Variants in KIAA0319 observed in about 807,000 individuals in gnomAD.
The protein encoded by KIAA0319 is KIAA0319.
KIAA0319 carries 83 observed loss-of-function variants against 108.4 expected under a neutral mutation model. The ratio of observed to expected loss-of-function variants is 0.77; its 90% CI spans 0.64 to 0.92. KIAA0319 has a LOEUF of 0.92. KIAA0319 is among the 40% of genes least tolerant of loss of function. The probability of loss-of-function intolerance (pLI) is 0.00; values close to 1 mark genes in which losing one functional copy is unlikely to be tolerated. For synonymous variants in KIAA0319, 484 were observed against 510.4 expected, an observed-to-expected ratio of 0.95 and a Z score of 0.70; for missense variants, 1,195 against 1,322.4, an observed-to-expected ratio of 0.90 and a Z score of 1.49.
chr6:24,552,923 A>G (rs1761712445), intron 19 of KIAA0319, among the ~76,000 whole-genome samples: 1 of 152,124 alleles, frequency 6.6e-6, no homozygotes, highest in Admixed American at 6.5e-5. Context: ...ACGTTTTTTA[A>G]AAATCACACC....
At position 24,579,412 on chromosome 6, in the gene KIAA0319, G is replaced by GATATATATATATATATATAT. The variant is rs3840133; in HGVS notation, c.1372+426_1372+445dup. On this transcript the variant is annotated intron_variant, in intron 8 of 20. Transcript: ENST00000378214. Reference sequence around the variant, plus strand: ...GGTCACGGGAGCTCCTCTATATAAAGATATATATATATATATATATCTTAT... The same window carrying GATATATATATATATATATAT: ...GGTCACGGGAGCTCCTCTATATAAAGATATATATATATATATATATATATATATATATATATATATCTTAT... Among the ~76,000 whole-genome samples, 205 of 127,196 alleles carry GATATATATATATATATATAT rather than the reference G, an allele frequency of 1.6e-3. 4 individuals are homozygous for GATATATATATATATATATAT. The highest frequency in any genetic ancestry group is 5.3e-3 in the African/African-American group (165 of 31,412). The allele number at this position is 127,196 out of a possible 152,430, so 83.4% of individuals were successfully genotyped here.
intron 11 of KIAA0319, among the ~76,000 whole-genome samples, chr6:24,570,647 G>A (rs1764594522): frequency 6.7e-6 from 1 of 149,466 alleles, no homozygotes; most frequent in African/African-American, 2.5e-5. Context: ...AATGAGAGAG[G>A]GAAGAAGGGT....
intron 10 of KIAA0319, among the ~76,000 whole-genome samples, chr6:24,575,478 C>G (rs1254343880): frequency 1.3e-5 from 2 of 152,124 alleles, no homozygotes; most frequent in African/African-American, 4.8e-5. Flanking sequence ...ATAGCACTTG[C>G]TACAACCCTT....
At chr6:24,627,261 C>G (rs901075955) in intron 1 of KIAA0319, among the ~76,000 whole-genome samples, 1 of 152,134 alleles carries the variant, frequency 6.6e-6, no homozygotes. Context: ...CCCAAGACAT[C>G]CTTATGTGTA....
intron 2 of KIAA0319, chr6:24,600,779 A>G (rs1770510188): frequency 2.4e-6 from 2 of 824,620 alleles, no homozygotes; most frequent in East Asian, 5.4e-5. Flanking sequence ...CTAGTATGCA[A>G]TTCTTTTCAA....
chr6:24,582,257 G>C lies in KIAA0319; in HGVS notation c.1183C>G (p.Leu395Val), dbSNP rs1479937717. 2 of 1,580,746 alleles carry C rather than the reference G, an allele frequency of 1.3e-6. No individual in the cohort carries two copies. The highest frequency in any genetic ancestry group is 1.7e-6 in the Non-Finnish European group (2 of 1,149,934). Residue 395 changes from leucine (L) to valine (V), a missense_variant, in exon 6 of 21, where the codon CTC becomes GTC. Transcript: ENST00000378214. Reference protein sequence around the residue: ...IKQGHKQTLNLSQLSVGLYVF... With the variant: ...IKQGHKQTLNVSQLSVGLYVF... Reference sequence around the variant, plus strand: ...AGTCTCCAGTTACTTACTTGAGAGAGGTTAAGAGTTTGCTTGTGTCCTTGT... The same window carrying C: ...AGTCTCCAGTTACTTACTTGAGAGACGTTAAGAGTTTGCTTGTGTCCTTGT...
intron 20 of KIAA0319, among the ~76,000 whole-genome samples, chr6:24,549,219 G>A (rs955809035): frequency 4.0e-5 from 6 of 151,616 alleles, no homozygotes; most frequent in African/African-American, 1.5e-4. Flanking sequence ...CCAACTACTT[G>A]GGAGGCTAAG....
chr6:24,576,746 T>A, intron 9 of KIAA0319, 150 bp from the exon 10 acceptor site: 1 of 638,220 alleles, frequency 1.6e-6, no homozygotes, highest in Non-Finnish European at 2.8e-6. Flanking sequence ...AGAAGGAGAC[T>A]CTGTCTCTAT....
chr6:24,610,730 G>A (rs1743082582), intron 1 of KIAA0319, among the ~76,000 whole-genome samples: 1 of 152,146 alleles, frequency 6.6e-6, no homozygotes, highest in South Asian at 2.1e-4. Flanking sequence ...TGACAAGCCT[G>A]GGCAACATAG....
At chr6:24,573,762 CTTTT>C (rs1554152159) in intron 10 of KIAA0319, among the ~76,000 whole-genome samples, 1 of 151,896 alleles carries the variant, frequency 6.6e-6, no homozygotes, top group Non-Finnish European at 1.5e-5. Flanking sequence ...TTTATTTGAG[CTTTT>C]TTATTATTAT....
At position 24,588,610 on chromosome 6, in the gene KIAA0319, G is replaced by T. The variant is rs757281652; in HGVS notation, c.977C>A (p.Thr326Asn). 9 of 1,613,400 alleles carry T rather than the reference G, an allele frequency of 5.6e-6. No homozygotes were observed. The Admixed American group carries it at 1.0e-4, about 18-fold the overall frequency. ...AAAGTTACCTGTCCTGGGAGCAGTG[G>T]TAGGAGATATGGGTAGCTCAGATGG... ...STPSELPISP[T>N]TAPRTVKELT... Residue 326 changes from threonine to asparagine, a missense_variant, in exon 4 of 21, where the codon ACC becomes AAC. Transcript: ENST00000378214.
At chr6:24,620,174 T>A (rs2817206) in intron 1 of KIAA0319, among the ~76,000 whole-genome samples, 140,830 of 152,216 alleles carry the variant, frequency 0.93, 65,298 homozygotes, top group East Asian at 0.99. Context: ...CAAATTTTTT[T>A]AAAAATCATT....
At chr6:24,585,808 G>T (rs1187429257) in intron 4 of KIAA0319, among the ~76,000 whole-genome samples, 1 of 152,098 alleles carries the variant, frequency 6.6e-6, no homozygotes, top group African/African-American at 2.4e-5. Flanking sequence ...AACCAAGGTG[G>T]CCAGGCACAG....
intron 1 of KIAA0319, among the ~76,000 whole-genome samples, chr6:24,609,916 C>T (rs560324736): frequency 6.6e-6 from 1 of 152,052 alleles, no homozygotes; most frequent in Non-Finnish European, 1.5e-5. Context: ...CCCTACCACA[C>T]AACATATACA....
Position 24,596,092 on chromosome 6 carries a change from G to A in KIAA0319, c.582C>T (p.Ala194=), listed in dbSNP as rs1217727242. ...DWGLLPGSEG[A]FNSSVGDSPA... Reference sequence around the variant, plus strand: ...GACTGTCTCCAACAGAGGAGTTGAAGGCCCCCTCGCTGCCCGGCAGTAGGC... The same window carrying A: ...GACTGTCTCCAACAGAGGAGTTGAAAGCCCCCTCGCTGCCCGGCAGTAGGC... Residue 194 remains alanine, a synonymous_variant, in exon 3 of 21, where the codon GCC becomes GCT. Transcript: ENST00000378214. 6.2e-7 allele frequency: 1 copy of A among 1,613,966 alleles called. No individual in the cohort carries two copies. Among genetic ancestry groups the A allele is most frequent in the East Asian group, 2.2e-5 (1 of 44,894 alleles).
At chr6:24,598,885 A>T (rs926757758) in intron 2 of KIAA0319, 2 of 339,034 alleles carry the variant, frequency 5.9e-6, no homozygotes, top group African/African-American at 4.2e-5. Context: ...TTTAAAAAAA[A>T]AATAAAAAGT....
At chr6:24,637,521 T>A (rs960000828) in intron 1 of KIAA0319, among the ~76,000 whole-genome samples, 2 of 152,228 alleles carry the variant, frequency 1.3e-5, no homozygotes, top group South Asian at 4.1e-4. Context: ...ATTGATGTAG[T>A]AAATTTCTAG....
intron 1 of KIAA0319, among the ~76,000 whole-genome samples, chr6:24,608,076 G>C (rs1471023952): frequency 2.6e-5 from 4 of 152,048 alleles, no homozygotes; most frequent in African/African-American, 9.7e-5. Context: ...GAAGACTATA[G>C]CAATAAAAAA....
At chr6:24,610,848 C>A (rs1362789492) in intron 1 of KIAA0319, among the ~76,000 whole-genome samples, 2 of 151,960 alleles carry the variant, frequency 1.3e-5, no homozygotes, top group Non-Finnish European at 2.9e-5. Flanking sequence ...CATTCATCAA[C>A]TGAAAAACGG....
Sources: gnomAD v4.1 joint callset for allele counts (sites outside exome capture counted in the v4.1 genomes callset) on GRCh38, gnomAD v4.1.1 for gene constraint, MANE v1.5 for transcripts, NCBI Gene and HGNC (gene_info 2026-07-23, HGNC 2026-07-21) for gene names.